ULK4: variants seen among roughly 807,000 people sequenced by gnomAD.
ULK4 encodes unc-51 like kinase 4.
Under a neutral mutation model 160.6 loss-of-function variants are expected in ULK4, and 133 were observed. The observed-to-expected ratio is 0.83, with a 90% CI of 0.72 to 0.96. The LOEUF (loss-of-function observed/expected upper bound fraction) is 0.96, where lower values mean the gene tolerates loss of function less well. Among genes scored for constraint, ULK4 ranks in the 40% least tolerant of loss-of-function variants. ULK4 has a pLI of 0.00. For missense variants in ULK4, 1,580 were observed against 1,499.5 expected (o/e 1.05, Z -0.89); for synonymous variants, 534 against 539.8 (o/e 0.99, Z 0.15).
At chr3:41,480,926 T>C (rs569059706) in intron 32 of ULK4, among the ~76,000 whole-genome samples, 1 of 152,258 alleles carries the variant, frequency 6.6e-6, no homozygotes, top group Non-Finnish European at 1.5e-5. Flanking sequence ...GAGATAACTG[T>C]CCCCATGATT....
At chr3:41,897,792 A>G (rs574877392) in intron 14 of ULK4, among the ~76,000 whole-genome samples, 1 of 152,348 alleles carries the variant, frequency 6.6e-6, no homozygotes, top group African/African-American at 2.4e-5. Context: ...AAACCTAAAT[A>G]TATTTTAAAT....
At chr3:41,927,802 C>T (rs531807848) in intron 5 of ULK4, among the ~76,000 whole-genome samples, 1 of 152,172 alleles carries the variant, frequency 6.6e-6, no homozygotes, top group Admixed American at 6.5e-5. Flanking sequence ...ACAAGTAGAG[C>T]TGACTATCCT....
At chr3:41,324,780 C>A (rs750341362) in intron 35 of ULK4, among the ~76,000 whole-genome samples, 14 of 152,206 alleles carry the variant, frequency 9.2e-5, no homozygotes, top group Non-Finnish European at 1.6e-4. Flanking sequence ...CCTCTCATCA[C>A]AGGCAATACA....
intron 35 of ULK4, among the ~76,000 whole-genome samples, chr3:41,364,478 T>C (rs74692268): frequency 0.024 from 3,647 of 152,346 alleles, 88 homozygotes; most frequent in South Asian, 0.043. Context: ...TGTACTGTTT[T>C]GGCTAGCCTG....
intron 35 of ULK4, among the ~76,000 whole-genome samples, chr3:41,354,238 C>A (rs2080983916): frequency 6.6e-6 from 1 of 152,166 alleles, no homozygotes; most frequent in South Asian, 2.1e-4. Flanking sequence ...TCACTCCCTG[C>A]CTTCTCCCCT....
intron 32 of ULK4, among the ~76,000 whole-genome samples, chr3:41,529,017 T>G (rs2086214033): frequency 6.6e-6 from 1 of 151,848 alleles, no homozygotes; most frequent in South Asian, 2.1e-4. Context: ...TTGCCAAGCT[T>G]TAACTCAACT....
chr3:41,844,402 G>T (rs1001156101), intron 17 of ULK4, among the ~76,000 whole-genome samples: 1 of 152,134 alleles, frequency 6.6e-6, no homozygotes, highest in Non-Finnish European at 1.5e-5. Context: ...CTCCGCAGCC[G>T]CTGGCCCAGG....
chr3:41,819,312 G>T, intron 19 of ULK4, 111 bp downstream of exon 19: 1 of 932,224 alleles, frequency 1.1e-6, no homozygotes, highest in Non-Finnish European at 1.6e-6. Flanking sequence ...AAATTCAGGA[G>T]CAATACTTGG....
intron 34 of ULK4, among the ~76,000 whole-genome samples, chr3:41,439,614 C>T (rs1014207131): frequency 7.2e-5 from 11 of 152,178 alleles, no homozygotes; most frequent in Non-Finnish European, 1.3e-4. Context: ...TAATACCTCA[C>T]TATTTTGATT....
At chr3:41,351,156 C>T (rs1043604509) in intron 35 of ULK4, among the ~76,000 whole-genome samples, 1 of 152,026 alleles carries the variant, frequency 6.6e-6, no homozygotes, top group African/African-American at 2.4e-5. Context: ...CAGCAAACTT[C>T]TGGGTAGCAC....
At chr3:41,255,247 C>T (rs1056331175) in intron 35 of ULK4, among the ~76,000 whole-genome samples, 12 of 151,682 alleles carry the variant, frequency 7.9e-5, no homozygotes, top group East Asian at 7.7e-4. Flanking sequence ...TTTGGGAGGC[C>T]GAGGTGGGTG....
chr3:41,518,973 A>G (rs1330718108), intron 32 of ULK4, among the ~76,000 whole-genome samples: 2 of 152,212 alleles, frequency 1.3e-5, no homozygotes, highest in African/African-American at 4.8e-5. Flanking sequence ...GTTCACAAAC[A>G]TTGGCAAATG....
intron 2 of ULK4, among the ~76,000 whole-genome samples, chr3:41,952,812 G>A (rs1178249545): frequency 5.3e-5 from 8 of 152,202 alleles, no homozygotes; most frequent in Admixed American, 5.2e-4. Flanking sequence ...GAAGCAACTT[G>A]TGTCCACTGT....
At chr3:41,738,607 A>C (rs561956243) in intron 22 of ULK4, among the ~76,000 whole-genome samples, 13 of 151,994 alleles carry the variant, frequency 8.6e-5, no homozygotes, top group African/African-American at 2.2e-4. Context: ...AGAGAGCAAT[A>C]AACTCCAGAA....
At chr3:41,473,143 G>A (rs1437512341) in intron 32 of ULK4, among the ~76,000 whole-genome samples, 3 of 152,078 alleles carry the variant, frequency 2.0e-5, no homozygotes, top group Non-Finnish European at 4.4e-5. Context: ...TACATTCAAT[G>A]ATGAAAAAAT....
intron 29 of ULK4, among the ~76,000 whole-genome samples, chr3:41,666,307 G>A (rs2035349079): frequency 6.6e-6 from 1 of 152,176 alleles, no homozygotes; most frequent in African/African-American, 2.4e-5. Flanking sequence ...ATGGCTCAAG[G>A]TCTCATGTAT....
chr3:41,885,001 C>A (rs1697669940), intron 16 of ULK4, among the ~76,000 whole-genome samples: 1 of 152,168 alleles, frequency 6.6e-6, no homozygotes, highest in Admixed American at 6.5e-5. Flanking sequence ...GGACTGTAGG[C>A]ATGCACCACC....
At chr3:41,563,914 T>A (rs567358410) in intron 32 of ULK4, among the ~76,000 whole-genome samples, 5 of 152,216 alleles carry the variant, frequency 3.3e-5, no homozygotes, top group Non-Finnish European at 7.4e-5. Context: ...TGGAGAGGAG[T>A]TGCGATCCTT....
At chr3:41,321,614 ACAGT>A (rs1300511695) in intron 35 of ULK4, among the ~76,000 whole-genome samples, 3 of 146,534 alleles carry the variant, frequency 2.0e-5, no homozygotes, top group Non-Finnish European at 3.0e-5. Context: ...CGAGGGAAAG[ACAGT>A]CAGTCTCCCA....
Sources: allele counts gnomAD v4.1 joint callset (sites outside exome capture counted in the v4.1 genomes callset), GRCh38; gene constraint gnomAD v4.1.1; transcripts MANE v1.5; gene names NCBI Gene and HGNC (gene_info 2026-07-23, HGNC 2026-07-21).